The following PRKCE variants were observed in gnomAD, a reference collection of about 807,000 sequenced individuals.
The protein encoded by PRKCE is protein kinase C epsilon type.
A neutral mutation model predicts 85.4 loss-of-function variants in PRKCE; 16 were observed. The observed-to-expected ratio is 0.19, with a 90% CI of 0.13 to 0.28. The LOEUF (loss-of-function observed/expected upper bound fraction) is 0.28. PRKCE is among the 10% of genes least tolerant of loss of function. The probability of loss-of-function intolerance (pLI) is 1.00; values close to 1 mark genes in which losing one functional copy is unlikely to be tolerated. For synonymous variants in PRKCE, 388 were observed against 371.5 expected, an observed-to-expected ratio of 1.04 and a Z score of -0.51; for missense variants, 573 against 975.2, an observed-to-expected ratio of 0.59 and a Z score of 5.49.
intron 10 of PRKCE, among the ~76,000 whole-genome samples, chr2:46,070,637 C>T (rs1051220069): frequency 2.6e-5 from 3 of 116,748 alleles, no homozygotes; most frequent in African/African-American, 1.0e-4. Context: ...AGCAAGACTC[C>T]GTCTCAAAAA....
chr2:45,835,321 T>C lies in PRKCE; in HGVS notation c.349-7679T>C, dbSNP rs189067513. Among the ~76,000 whole-genome samples, 9 of 152,358 alleles carry C rather than the reference T, an allele frequency of 5.9e-5. No individual in the cohort carries two copies. In the East Asian group the frequency reaches 1.7e-3, roughly 29 times the overall value. On this transcript the variant is annotated intron_variant, in intron 1 of 14. Transcript: ENST00000306156. ...CAATTAAGTGCATTCATTTTAAGTG[T>C]AGGCTTGATTTGTCCCACCCAATGT... is the stretch of plus-strand genomic sequence containing the variant.
chr2:45,784,456 G>C (rs1362920553), intron 1 of PRKCE, among the ~76,000 whole-genome samples: 1 of 152,190 alleles, frequency 6.6e-6, no homozygotes, highest in African/African-American at 2.4e-5. Flanking sequence ...GAGAAACTTT[G>C]GCAAATCAGT....
intron 1 of PRKCE, among the ~76,000 whole-genome samples, chr2:45,755,683 T>C (rs1304330091): frequency 6.6e-6 from 1 of 152,242 alleles, no homozygotes; most frequent in African/African-American, 2.4e-5. Flanking sequence ...CCCCTTGATT[T>C]CTCTGTCTAT....
At chr2:46,181,596 T>C (rs901130606) in intron 14 of PRKCE, among the ~76,000 whole-genome samples, 3 of 152,204 alleles carry the variant, frequency 2.0e-5, no homozygotes, top group African/African-American at 7.2e-5. Context: ...CAACAGCAAG[T>C]CGTGAAATTC....
At chr2:45,874,352 C>T (rs978511072) in intron 2 of PRKCE, among the ~76,000 whole-genome samples, 6 of 152,206 alleles carry the variant, frequency 3.9e-5, no homozygotes, top group Admixed American at 1.3e-4. Context: ...TTCGTGATGA[C>T]GCTGGCCTGC....
intron 1 of PRKCE, among the ~76,000 whole-genome samples, chr2:45,660,330 T>A (rs1675581038): frequency 6.6e-6 from 1 of 152,188 alleles, no homozygotes; most frequent in Admixed American, 6.6e-5. Flanking sequence ...GATGTTCTTA[T>A]GAGAGAATGC....
intron 2 of PRKCE, among the ~76,000 whole-genome samples, chr2:45,864,899 T>C (rs1006444738): frequency 3.1e-4 from 47 of 152,188 alleles, no homozygotes; most frequent in African/African-American, 1.1e-3. Context: ...CAACATCACC[T>C]GCAGGGCCAG....
intron 10 of PRKCE, among the ~76,000 whole-genome samples, chr2:46,044,917 T>C (rs1447031432): frequency 6.6e-6 from 1 of 152,262 alleles, no homozygotes; most frequent in Non-Finnish European, 1.5e-5. Context: ...TTCTAGTGTA[T>C]GTTACATGTT....
At chr2:45,902,177 T>C (rs1417608243) in intron 2 of PRKCE, among the ~76,000 whole-genome samples, 1 of 152,122 alleles carries the variant, frequency 6.6e-6, no homozygotes, top group Non-Finnish European at 1.5e-5. Context: ...GGTGTAGCAA[T>C]ATGGGCCCAG....
intron 10 of PRKCE, 81 bp from the exon 11 acceptor site, chr2:46,086,127 T>C: frequency 6.8e-7 from 1 of 1,467,108 alleles, no homozygotes; most frequent in Admixed American, 1.8e-5. Flanking sequence ...TTGGTAACCT[T>C]ACACTGAGCT....
At chr2:45,734,167 C>A (rs373878624) in intron 1 of PRKCE, among the ~76,000 whole-genome samples, 2 of 152,074 alleles carry the variant, frequency 1.3e-5, no homozygotes, top group Non-Finnish European at 2.9e-5. Context: ...TAGATTGAGA[C>A]CATCCTGGCC....
At chr2:45,988,241 A>T (rs1397046408) in intron 6 of PRKCE, among the ~76,000 whole-genome samples, 1 of 152,042 alleles carries the variant, frequency 6.6e-6, no homozygotes, top group African/African-American at 2.4e-5. Flanking sequence ...TCCCGTTCCC[A>T]TTCCTGGAAA....
intron 2 of PRKCE, among the ~76,000 whole-genome samples, chr2:45,886,916 T>C (rs985274473): frequency 6.6e-6 from 1 of 152,206 alleles, no homozygotes; most frequent in Non-Finnish European, 1.5e-5. Flanking sequence ...TCCAAAGACC[T>C]TTCGGGTCTA....
rs116925528 is a variant in PRKCE at position 45,958,544 on chromosome 2, T to C, written c.413-17885T>C. Among the ~76,000 whole-genome samples, 385 of 148,796 alleles carry C rather than the reference T, an allele frequency of 2.6e-3. 6 individuals are homozygous for C. The East Asian group carries it at 0.052, about 20-fold the overall frequency. Reference sequence around the variant, plus strand: ...AAAAAAGAAAGAAAATCAAAACTCATAGAAACAACTCCCTTTCACACTACA... The same window carrying C: ...AAAAAAGAAAGAAAATCAAAACTCACAGAAACAACTCCCTTTCACACTACA... On this transcript the variant is annotated intron_variant, in intron 2 of 14. Coordinates refer to ENST00000306156, the MANE Select transcript of PRKCE (RefSeq NM_005400.3).
chr2:45,935,048 G>A (rs558728841), intron 2 of PRKCE, among the ~76,000 whole-genome samples: 1 of 143,108 alleles, frequency 7.0e-6, no homozygotes, highest in Non-Finnish European at 1.5e-5. Flanking sequence ...GCAGCAAAGC[G>A]AGACACTCAC....
chr2:45,958,006 C>G (rs1200313229), intron 2 of PRKCE, among the ~76,000 whole-genome samples: 1 of 150,446 alleles, frequency 6.6e-6, no homozygotes, highest in Non-Finnish European at 1.5e-5. Flanking sequence ...AGCTGGCCTG[C>G]TGAATGAGCA....
At chr2:45,866,108 C>T (rs1693587972) in intron 2 of PRKCE, among the ~76,000 whole-genome samples, 1 of 152,132 alleles carries the variant, frequency 6.6e-6, no homozygotes, top group Non-Finnish European at 1.5e-5. Context: ...GCATGAGCCA[C>T]CGTGCCCAGC....
intron 1 of PRKCE, among the ~76,000 whole-genome samples, chr2:45,781,180 T>TA (rs1185209037): frequency 2.0e-5 from 3 of 147,030 alleles, no homozygotes; most frequent in African/African-American, 8.0e-5. Context: ...TACAAAATAA[T>TA]AATAAAAAAA....
At chr2:46,040,557 T>C (rs1191543596) in intron 10 of PRKCE, among the ~76,000 whole-genome samples, 1 of 152,166 alleles carries the variant, frequency 6.6e-6, no homozygotes, top group African/African-American at 2.4e-5. Context: ...AGAGCCACTG[T>C]CTAGGACTTC....
Sources: allele counts gnomAD v4.1 joint callset (sites outside exome capture counted in the v4.1 genomes callset), GRCh38; gene constraint gnomAD v4.1.1; transcripts MANE v1.5; gene names NCBI Gene and HGNC (gene_info 2026-07-23, HGNC 2026-07-21).